PDE10A: variants seen among roughly 807,000 people sequenced by gnomAD.
PDE10A encodes phosphodiesterase 10A, also known as cAMP and cAMP-inhibited cGMP 3',5'-cyclic phosphodiesterase 10A.
PDE10A carries 39 observed loss-of-function variants against 97.7 expected under a neutral mutation model. The ratio of observed to expected loss-of-function variants is 0.40; its 90% CI spans 0.31 to 0.52. PDE10A has a LOEUF of 0.52. PDE10A is among the 20% of genes least tolerant of loss of function. The pLI is 0.56. For synonymous variants in PDE10A, 371 were observed against 376.8 expected (o/e 0.98, Z 0.18); for missense variants, 731 against 1,047.8 (o/e 0.70, Z 4.17).
intron 1 of PDE10A, among the ~76,000 whole-genome samples, chr6:165,847,660 C>T (rs565674701): frequency 3.3e-5 from 5 of 152,238 alleles, no homozygotes; most frequent in South Asian, 4.1e-4. Flanking sequence ...TTTCTGATAA[C>T]GTCTTGCTTT....
intron 17 of PDE10A, among the ~76,000 whole-genome samples, chr6:165,383,594 C>A (rs928070028): frequency 3.9e-5 from 6 of 152,048 alleles, no homozygotes; most frequent in African/African-American, 1.4e-4. Flanking sequence ...TGCATCTTCC[C>A]CTCCCCATGC....
chr6:165,987,852 G>A, exon 1 of PDE10A: 1 of 397,042 alleles, frequency 2.5e-6, no homozygotes, highest in Non-Finnish European at 5.0e-6. Context: ...GGGGGTCTCG[G>A]GGAAAGCTGC....
intron 2 of PDE10A, among the ~76,000 whole-genome samples, chr6:165,522,344 T>C (rs866672596): frequency 6.6e-6 from 1 of 151,866 alleles, no homozygotes; most frequent in East Asian, 1.9e-4. Context: ...AAAGACACAA[T>C]GCAAAAAGAA....
At chr6:165,825,787 C>T (rs1034894376) in intron 1 of PDE10A, among the ~76,000 whole-genome samples, 2 of 152,170 alleles carry the variant, frequency 1.3e-5, no homozygotes, top group South Asian at 2.1e-4. Flanking sequence ...CCTCTGCCCA[C>T]GGCCTATGTG....
chr6:165,371,022 T>C (rs999623021), intron 18 of PDE10A, among the ~76,000 whole-genome samples: 1 of 137,766 alleles, frequency 7.3e-6, no homozygotes, highest in Non-Finnish European at 1.5e-5. Context: ...AGATGTTCTC[T>C]GAAACCAATG....
chr6:165,784,556 A>G (rs1256017402), intron 1 of PDE10A, among the ~76,000 whole-genome samples: 1 of 152,238 alleles, frequency 6.6e-6, no homozygotes, highest in Non-Finnish European at 1.5e-5. Flanking sequence ...GTAATGCCAA[A>G]TTGCTTATTT....
intron 1 of PDE10A, among the ~76,000 whole-genome samples, chr6:165,805,866 T>G (rs1194747863): frequency 6.6e-6 from 1 of 151,312 alleles, no homozygotes; most frequent in South Asian, 2.1e-4. Flanking sequence ...GCCCCGTTCC[T>G]GGGAACCCCA....
chr6:165,932,167 GC>G (rs1277073341), intron 1 of PDE10A, among the ~76,000 whole-genome samples: 3 of 152,188 alleles, frequency 2.0e-5, no homozygotes, highest in Non-Finnish European at 2.9e-5. Flanking sequence ...AGATCTTCCT[GC>G]CCTCTGTCTT....
chr6:165,939,386 T>C (rs1783439425), intron 1 of PDE10A: 1 of 152,224 alleles, frequency 6.6e-6, no homozygotes, highest in South Asian at 2.1e-4. Context: ...AACGTTTGCA[T>C]AGACACATAT....
intron 1 of PDE10A, among the ~76,000 whole-genome samples, chr6:165,596,704 A>C (rs1012830771): frequency 2.6e-5 from 4 of 152,142 alleles, no homozygotes; most frequent in Non-Finnish European, 5.9e-5. Context: ...CACTCAGCCT[A>C]GGCAACAGAG....
At chr6:165,928,685 T>C (rs1783023537) in intron 1 of PDE10A, among the ~76,000 whole-genome samples, 1 of 149,516 alleles carries the variant, frequency 6.7e-6, no homozygotes, top group Non-Finnish European at 1.5e-5. Flanking sequence ...TCCCGGCTGC[T>C]GGTGGCCGAC....
chr6:165,898,186 A>G (rs574053302), intron 1 of PDE10A, among the ~76,000 whole-genome samples: 29 of 151,872 alleles, frequency 1.9e-4, no homozygotes, highest in Admixed American at 1.2e-3. Context: ...GCTGCCTCCC[A>G]TCTCCTTCAC....
At chr6:165,675,552 T>G (rs1392793220) in intron 1 of PDE10A, among the ~76,000 whole-genome samples, 2 of 152,192 alleles carry the variant, frequency 1.3e-5, no homozygotes, top group Admixed American at 1.3e-4. Flanking sequence ...TCATGGTATT[T>G]GTGTGTGGAG....
intron 18 of PDE10A, among the ~76,000 whole-genome samples, chr6:165,347,095 C>T (rs932615702): frequency 6.8e-6 from 1 of 147,062 alleles, no homozygotes; most frequent in Admixed American, 6.8e-5. Context: ...CACCTTAATG[C>T]TTTTTTTTTT....
At chr6:165,443,801 T>C (rs1213890753) in intron 5 of PDE10A, among the ~76,000 whole-genome samples, 1 of 152,140 alleles carries the variant, frequency 6.6e-6, no homozygotes, top group South Asian at 2.1e-4. Flanking sequence ...CAGGACACCA[T>C]GTTTGGAGCA....
intron 1 of PDE10A, among the ~76,000 whole-genome samples, chr6:165,865,360 T>C (rs141162336): frequency 6.6e-6 from 1 of 152,196 alleles, no homozygotes; most frequent in Non-Finnish European, 1.5e-5. Flanking sequence ...GATCCAAATA[T>C]ATCAATGTAA....
intron 1 of PDE10A, among the ~76,000 whole-genome samples, chr6:165,784,706 G>A (rs2128462416): frequency 6.6e-6 from 1 of 152,258 alleles, no homozygotes; most frequent in South Asian, 2.1e-4. Flanking sequence ...TATGGGTATT[G>A]GGACAGCCAG....
chr6:165,433,263 T>C (rs531612340), intron 6 of PDE10A, 134 bp from the exon 7 acceptor site: 131 of 601,886 alleles, frequency 2.2e-4, no homozygotes, highest in African/African-American at 2.1e-3. Context: ...AACTAAATGA[T>C]GATAGCCACC....
chr6:165,396,326 T>G lies in PDE10A; in HGVS notation c.2210A>C (p.Glu737Ala). Reference sequence around the variant, plus strand: ...AGAGCAACATACTTACAATTCAATTTCTTTGCAGAGACGCACGGGAAGGGT... The same window carrying G: ...AGAGCAACATACTTACAATTCAATTGCTTTGCAGAGACGCACGGGAAGGGT... ...QFTLPVRLCK[E>A]IELFHFDIGP... is the part of the protein sequence containing the mutation. Residue 737 changes from glutamate (E) to alanine (A), a missense_variant, in exon 14 of 22, where the codon GAA becomes GCA. By Grantham distance (107) the Glu-to-Ala change is moderately radical. Transcript: ENST00000539869. 1.9e-6 allele frequency: 3 copies of G among 1,612,698 alleles called. No individual in the cohort carries two copies. The highest frequency in any genetic ancestry group is 2.5e-6 in the Non-Finnish European group (3 of 1,179,336).
Sources: gnomAD v4.1 joint callset for allele counts (sites outside exome capture counted in the v4.1 genomes callset) on GRCh38, gnomAD v4.1.1 for gene constraint, MANE v1.5 for transcripts, NCBI Gene and HGNC (gene_info 2026-07-23, HGNC 2026-07-21) for gene names.